WDR7: variants seen among roughly 807,000 people sequenced by gnomAD.
WDR7 encodes WD repeat-containing protein 7.
WDR7 carries 46 observed loss-of-function variants against 169.4 expected under a neutral mutation model. The ratio of observed to expected loss-of-function variants is 0.27; its 90% CI spans 0.21 to 0.35. The LOEUF (loss-of-function observed/expected upper bound fraction) is 0.35. Ranked by LOEUF, WDR7 falls within the 10% of genes least tolerant of loss-of-function variation. The pLI is 1.00. For synonymous variants in WDR7, 612 were observed against 666.8 expected (o/e 0.92, Z 1.27); for missense variants, 1,534 against 1,859.3 (o/e 0.83, Z 3.22).
chr18:56,846,681 C>G (rs1359058079), intron 20 of WDR7, among the ~76,000 whole-genome samples: 1 of 152,114 alleles, frequency 6.6e-6, no homozygotes, highest in Non-Finnish European at 1.5e-5. Flanking sequence ...CATGTGAGAG[C>G]TGGCTGTTTT....
At chr18:56,779,361 CA>C in intron 17 of WDR7, 69 bp from the exon 18 acceptor site, 1 of 1,232,862 alleles carries the variant, frequency 8.1e-7, no homozygotes, top group East Asian at 2.5e-5. Context: ...GGTATACTTA[CA>C]TAAAGAACTG....
rs189335642 is a variant in WDR7 at position 56,800,290 on chromosome 18, G to C, written c.3191-15741G>C. On this transcript the variant is annotated intron_variant, in intron 19 of 27. Transcript: ENST00000254442. Reference sequence around the variant, plus strand: ...TGTGAGGTTTAATCACTGTAATGTAGTGGAATCATGATGTGCTTCTATAGA... The same window carrying C: ...TGTGAGGTTTAATCACTGTAATGTACTGGAATCATGATGTGCTTCTATAGA... Among the ~76,000 whole-genome samples, 5 of 152,192 alleles carry C rather than the reference G, an allele frequency of 3.3e-5. No individual in the cohort carries two copies. In the East Asian group the frequency reaches 9.7e-4, roughly 29 times the overall value.
Position 56,808,342 on chromosome 18 carries a change from G to A in WDR7, c.3191-7689G>A, listed in dbSNP as rs374194909. On this transcript the variant is annotated intron_variant, in intron 19 of 27. Transcript: ENST00000254442. ...TCCAGTGTACTTTAATTGGACGACTGGAAAACCACAGTTGTGAGGAACTGA... is the reference window on the plus strand; with the variant it reads ...TCCAGTGTACTTTAATTGGACGACTAGAAAACCACAGTTGTGAGGAACTGA... Among the ~76,000 whole-genome samples, 49 of 151,990 alleles carry A rather than the reference G, an allele frequency of 3.2e-4. 1 individual carries two copies. In the East Asian group the frequency reaches 7.7e-3, roughly 24 times the overall value.
chr18:56,678,409 C>G (rs1354031190), intron 2 of WDR7, among the ~76,000 whole-genome samples: 1 of 152,118 alleles, frequency 6.6e-6, no homozygotes, highest in African/African-American at 2.4e-5. Flanking sequence ...TTGTACCTGT[C>G]CTTCTTGGGA....
chr18:56,845,582 T>TATTTAGTTGGTAATTTCCA (rs557312956), intron 20 of WDR7, among the ~76,000 whole-genome samples: 398 of 152,234 alleles, frequency 2.6e-3, no homozygotes, highest in African/African-American at 9.0e-3. Context: ...TGGTTTAAAT[T>TATTTAGTTGGTAATTTCCA]ATTTAGTTGG....
intron 19 of WDR7, among the ~76,000 whole-genome samples, chr18:56,813,346 T>C (rs1190112121): frequency 2.0e-5 from 3 of 152,156 alleles, no homozygotes; most frequent in African/African-American, 7.2e-5. Context: ...CTTTGCCATA[T>C]TCCTGATCAT....
chr18:56,757,906 C>T (rs2043921345), intron 15 of WDR7, among the ~76,000 whole-genome samples: 1 of 151,628 alleles, frequency 6.6e-6, no homozygotes, highest in South Asian at 2.1e-4. Flanking sequence ...AAGTTCGTGG[C>T]TGCAGTGAGC....
At chr18:56,774,438 T>G (rs979141435) in intron 16 of WDR7, among the ~76,000 whole-genome samples, 2 of 152,104 alleles carry the variant, frequency 1.3e-5, no homozygotes, top group Non-Finnish European at 2.9e-5. Context: ...GGAACTGTGT[T>G]AATTTTGTCA....
intron 19 of WDR7, among the ~76,000 whole-genome samples, chr18:56,796,666 G>A (rs993436691): frequency 1.3e-5 from 2 of 152,068 alleles, no homozygotes; most frequent in African/African-American, 4.8e-5. Context: ...CAGTAATTAT[G>A]TAATAATACA....
At chr18:56,726,448 CTGTT>C (rs1043881226) in intron 13 of WDR7, among the ~76,000 whole-genome samples, 11 of 152,278 alleles carry the variant, frequency 7.2e-5, no homozygotes, top group African/African-American at 2.4e-4. Flanking sequence ...ATTTGGCTCT[CTGTT>C]TGTCTGTTAT....
chr18:56,724,125 T>C (rs2026383552), intron 13 of WDR7, among the ~76,000 whole-genome samples: 1 of 151,816 alleles, frequency 6.6e-6, no homozygotes, highest in Non-Finnish European at 1.5e-5. Context: ...AATTTTAATA[T>C]GTTTATCAGT....
At chr18:56,900,082 G>GTATATATATATATATA (rs1191116351) in intron 21 of WDR7, among the ~76,000 whole-genome samples, 14 of 32,064 alleles carry the variant, frequency 4.4e-4, no homozygotes, top group African/African-American at 8.7e-4. Flanking sequence ...GTGTGTGTGT[G>GTATATATATATATATA]TATATATATA....
intron 12 of WDR7, among the ~76,000 whole-genome samples, chr18:56,698,522 C>T (rs961969128): frequency 5.3e-5 from 8 of 151,074 alleles, no homozygotes; most frequent in Non-Finnish European, 7.4e-5. Context: ...AGGAGAATGG[C>T]GTGAACCCAG....
intron 23 of WDR7, among the ~76,000 whole-genome samples, chr18:56,937,635 C>T (rs1424686285): frequency 6.6e-6 from 1 of 152,100 alleles, no homozygotes; most frequent in African/African-American, 2.4e-5. Context: ...TTGCCATGCT[C>T]ATTATTTTTG....
chr18:56,726,028 A>G (rs1396897847), intron 13 of WDR7, among the ~76,000 whole-genome samples: 8 of 152,316 alleles, frequency 5.3e-5, no homozygotes, highest in South Asian at 2.1e-4. Flanking sequence ...CTGTTTTGAT[A>G]TCAGTACCAT....
At chr18:56,737,439 A>G (rs1257867785) in intron 14 of WDR7, among the ~76,000 whole-genome samples, 1 of 152,192 alleles carries the variant, frequency 6.6e-6, no homozygotes, top group Non-Finnish European at 1.5e-5. Context: ...GCAGCTTTAC[A>G]TCTTGAGCAT....
chr18:56,831,279 A>G (rs1241234619), intron 20 of WDR7, among the ~76,000 whole-genome samples: 1 of 152,166 alleles, frequency 6.6e-6, no homozygotes, highest in Admixed American at 6.5e-5. Context: ...GAACAGGGTC[A>G]GGACTAACAA....
chr18:56,755,575 G>T (rs1372568830), intron 14 of WDR7, among the ~76,000 whole-genome samples: 3 of 152,214 alleles, frequency 2.0e-5, no homozygotes, highest in African/African-American at 7.2e-5. Flanking sequence ...TTAGTGAGGG[G>T]TGGAGATGAG....
intron 1 of WDR7, among the ~76,000 whole-genome samples, chr18:56,667,101 A>G (rs896491547): frequency 6.6e-6 from 1 of 151,984 alleles, no homozygotes; most frequent in Non-Finnish European, 1.5e-5. Flanking sequence ...CTGAGTTACA[A>G]TTTTTTAGAG....
Sources: gnomAD v4.1 joint callset for allele counts (sites outside exome capture counted in the v4.1 genomes callset) on GRCh38, gnomAD v4.1.1 for gene constraint, MANE v1.5 for transcripts, NCBI Gene and HGNC (gene_info 2026-07-23, HGNC 2026-07-21) for gene names.